Variants in ADGRB3 observed in about 807,000 individuals in gnomAD.
ADGRB3 encodes the protein brain-specific angiogenesis inhibitor 3.
Under a neutral mutation model 193.4 loss-of-function variants are expected in ADGRB3, and 37 were observed. That is an observed-to-expected ratio of 0.19 (90% CI 0.15 to 0.25). The LOEUF is 0.25. ADGRB3 is among the 10% of genes least tolerant of loss of function. The pLI is 1.00. For synonymous variants in ADGRB3, 690 were observed against 644.2 expected, an observed-to-expected ratio of 1.07 and a Z score of -1.08; for missense variants, 1,637 against 1,852.9, an observed-to-expected ratio of 0.88 and a Z score of 2.14.
intron 29 of ADGRB3, among the ~76,000 whole-genome samples, chr6:69,362,846 C>A (rs1373115690): frequency 1.3e-5 from 2 of 151,854 alleles, no homozygotes; most frequent in Non-Finnish European, 2.9e-5. Flanking sequence ...TAATAATGAC[C>A]ACATAAGAAC....
chr6:69,242,462 A>T (rs913432946), intron 20 of ADGRB3, among the ~76,000 whole-genome samples: 1 of 151,832 alleles, frequency 6.6e-6, no homozygotes, highest in Admixed American at 6.6e-5. Context: ...TGTCATGGCT[A>T]GTTTGTATGA....
At chr6:68,972,856 G>T (rs909390506) in intron 8 of ADGRB3, among the ~76,000 whole-genome samples, 1 of 152,130 alleles carries the variant, frequency 6.6e-6, no homozygotes, top group African/African-American at 2.4e-5. Flanking sequence ...GGCTTAAGAT[G>T]CTGAAGAAAG....
chr6:69,322,014 C>T (rs1335722267), intron 20 of ADGRB3, among the ~76,000 whole-genome samples: 2 of 151,820 alleles, frequency 1.3e-5, no homozygotes, highest in African/African-American at 4.8e-5. Context: ...TCCCTCCCTC[C>T]ACCCTTCGAT....
chr6:68,953,341 T>C lies in ADGRB3; in HGVS notation c.1196-2683T>C, dbSNP rs918107827. On this transcript the variant is annotated intron_variant, in intron 6 of 31. Coordinates refer to ENST00000370598, the MANE Select transcript of ADGRB3 (RefSeq NM_001704.3). ...GCAGCACCTAATTCACCTTTGTTAA[T>C]GTGCTGCTTTCTTTCTGAATGTTCT... 5.7e-4 allele frequency among the ~76,000 whole-genome samples: 86 copies of C among 152,212 alleles called. 1 individual carries two copies. The highest frequency in any genetic ancestry group is 1.9e-3 in the African/African-American group (77 of 41,454).
intron 3 of ADGRB3, among the ~76,000 whole-genome samples, chr6:68,792,800 C>G (rs571592156): frequency 6.6e-6 from 1 of 152,082 alleles, no homozygotes; most frequent in Admixed American, 6.6e-5. Flanking sequence ...GCCTTCCCGC[C>G]GATGTCCCCA....
intron 17 of ADGRB3, among the ~76,000 whole-genome samples, chr6:69,187,086 A>G (rs1334668480): frequency 6.6e-6 from 1 of 151,744 alleles, no homozygotes; most frequent in Admixed American, 6.6e-5. Context: ...TTTTTCTGAA[A>G]TTATAAGAAA....
chr6:68,694,669 T>C (rs757254667), intron 3 of ADGRB3, among the ~76,000 whole-genome samples: 13 of 152,122 alleles, frequency 8.5e-5, no homozygotes, highest in Admixed American at 3.9e-4. Flanking sequence ...TGTCCCTTTT[T>C]TGATGGTCAT....
chr6:69,336,488 CT>C (rs1411994905), intron 24 of ADGRB3, among the ~76,000 whole-genome samples: 4 of 151,390 alleles, frequency 2.6e-5, no homozygotes, highest in Non-Finnish European at 5.9e-5. Context: ...ATCAGTCAGA[CT>C]TTTTTTCTTT....
chr6:69,237,457 A>C (rs1049576191), intron 19 of ADGRB3, among the ~76,000 whole-genome samples: 4 of 152,058 alleles, frequency 2.6e-5, no homozygotes, highest in African/African-American at 9.7e-5. Context: ...ATGAAAAAAT[A>C]ATGAAGCATG....
chr6:69,043,334 G>GAAAGGAAGGAAGGAAGAAAGAAAGAA (rs1554252119), intron 13 of ADGRB3, among the ~76,000 whole-genome samples: 16 of 110,104 alleles, frequency 1.5e-4, no homozygotes, highest in African/African-American at 4.1e-4. Context: ...GAAAGAAAGA[G>GAAAGGAAGGAAGGAAGAAAGAAAGAA]AAAGAAAAGA....
At chr6:68,648,147 T>C (rs7746943) in intron 3 of ADGRB3, among the ~76,000 whole-genome samples, 36,890 of 152,016 alleles carry the variant, frequency 0.24, 5,106 homozygotes, top group African/African-American at 0.37. Flanking sequence ...AAAGTATTTC[T>C]AGTGTGTATG....
chr6:68,930,064 TG>T (rs1337345954), intron 3 of ADGRB3, among the ~76,000 whole-genome samples: 2 of 141,840 alleles, frequency 1.4e-5, no homozygotes, highest in African/African-American at 2.6e-5. Flanking sequence ...CATCTTTGGA[TG>T]AAAAAAAAAA....
chr6:68,911,193 C>T (rs1211455059), intron 3 of ADGRB3, among the ~76,000 whole-genome samples: 2 of 142,632 alleles, frequency 1.4e-5, no homozygotes, highest in Non-Finnish European at 3.0e-5. Context: ...TGCATGTTCT[C>T]ATTCATAGGT....
chr6:68,782,510 A>G (rs1324091893), intron 3 of ADGRB3, among the ~76,000 whole-genome samples: 1 of 152,094 alleles, frequency 6.6e-6, no homozygotes, highest in Non-Finnish European at 1.5e-5. Context: ...GCTGGGTCAA[A>G]TGATATTTCT....
chr6:69,030,948 C>CTT (rs1770628214), intron 13 of ADGRB3, among the ~76,000 whole-genome samples: 3 of 60,632 alleles, frequency 4.9e-5, no homozygotes, highest in African/African-American at 2.7e-4. Flanking sequence ...ATTTTCTTTT[C>CTT]TTTTCTTTTT....
intron 3 of ADGRB3, among the ~76,000 whole-genome samples, chr6:68,788,297 T>C (rs1457216405): frequency 6.6e-6 from 1 of 152,224 alleles, no homozygotes; most frequent in Non-Finnish European, 1.5e-5. Context: ...CATTTAGTGC[T>C]ATAAATTTCC....
intron 17 of ADGRB3, among the ~76,000 whole-genome samples, chr6:69,197,199 A>C (rs997313998): frequency 6.6e-6 from 1 of 152,158 alleles, no homozygotes; most frequent in African/African-American, 2.4e-5. Context: ...TGGTCAACTT[A>C]CTAGTCCCTG....
intron 12 of ADGRB3, among the ~76,000 whole-genome samples, chr6:69,015,841 A>T (rs1165753538): frequency 6.6e-6 from 1 of 151,912 alleles, no homozygotes; most frequent in Non-Finnish European, 1.5e-5. Flanking sequence ...AGTCTACTAA[A>T]GTTAAAAAAA....
At chr6:68,733,981 A>G (rs987426699) in intron 3 of ADGRB3, among the ~76,000 whole-genome samples, 26 of 152,084 alleles carry the variant, frequency 1.7e-4, no homozygotes, top group Non-Finnish European at 2.9e-5. Context: ...CCAGAAATGT[A>G]TATACCTGCT....
Sources: gnomAD v4.1 joint callset for allele counts (sites outside exome capture counted in the v4.1 genomes callset) on GRCh38, gnomAD v4.1.1 for gene constraint, MANE v1.5 for transcripts, NCBI Gene and HGNC (gene_info 2026-07-23, HGNC 2026-07-21) for gene names.